COL23A1: variants seen among roughly 807,000 people sequenced by gnomAD.
COL23A1 encodes the protein collagen alpha-1(XXIII) chain.
A neutral mutation model predicts 99.3 loss-of-function variants in COL23A1; 97 were observed. That is an observed-to-expected ratio of 0.98 (90% CI 0.83 to 1.16). The LOEUF is 1.16. COL23A1 is among the 50% of genes most tolerant of loss of function. The pLI is 0.00. For missense variants in COL23A1, 762 were observed against 757.4 expected (o/e 1.01, Z -0.07); for synonymous variants, 320 against 308.2 (o/e 1.04, Z -0.40).
At chr5:178,358,725 ATG>A (rs752563850) in intron 2 of COL23A1, among the ~76,000 whole-genome samples, 18,544 of 139,652 alleles carry the variant, frequency 0.13, 1,227 homozygotes, top group Non-Finnish European at 0.14. Context: ...GTGTATGTGT[ATG>A]TGTGTATGTG....
rs1277365454 is a variant in COL23A1, at chr5:178,281,476, C to G, written c.441+6848G>C. ...GCTGTCGCTGCTCCCAGGACTGAGG[C>G]CGGAGATGAAGTGCAGTCACCGCTC... On this transcript the variant is annotated intron_variant, in intron 5 of 28. Transcript: ENST00000390654. This position sits in a 1 kb window ranked among gnomAD's most constrained non-coding sequence, Gnocchi z 4.0. Among the ~76,000 whole-genome samples the G allele has an allele frequency of 1.3e-5, 2 of 152,128 alleles. No individual in the cohort carries two copies. Among genetic ancestry groups the G allele is most frequent in the African/African-American group, 4.8e-5 (2 of 41,436 alleles).
chr5:178,451,957 TTAATA>T (rs1488987418), intron 2 of COL23A1, among the ~76,000 whole-genome samples: 3 of 152,020 alleles, frequency 2.0e-5, no homozygotes, highest in Non-Finnish European at 4.4e-5. Context: ...ATCTATAAAT[TTAATA>T]TAATTCACAC....
intron 2 of COL23A1, among the ~76,000 whole-genome samples, chr5:178,477,821 G>A (rs1187196756): frequency 6.6e-6 from 1 of 152,190 alleles, no homozygotes; most frequent in Non-Finnish European, 1.5e-5. Context: ...GGATTCTTTC[G>A]GATGCTGGTG....
chr5:178,239,357 G>A (rs1561777261), intron 27 of COL23A1, among the ~76,000 whole-genome samples, 178 bp from the exon 28 acceptor site: 2 of 152,202 alleles, frequency 1.3e-5, no homozygotes, highest in Admixed American at 1.3e-4. Flanking sequence ...GTGGGGTCAT[G>A]GGGTCATGGG....
chr5:178,390,059 T>A (rs184394920), intron 2 of COL23A1, among the ~76,000 whole-genome samples: 3 of 152,166 alleles, frequency 2.0e-5, no homozygotes, highest in African/African-American at 7.2e-5. Flanking sequence ...CCAAGCCACA[T>A]CTGCTGAGGC....
intron 3 of COL23A1, among the ~76,000 whole-genome samples, chr5:178,297,801 A>T (rs1334264144): frequency 1.3e-5 from 2 of 152,130 alleles, no homozygotes; most frequent in Non-Finnish European, 2.9e-5. Context: ...TGCTGAATGG[A>T]TGAGGGCTGA....
intron 2 of COL23A1, among the ~76,000 whole-genome samples, chr5:178,484,639 C>T (rs550533881): frequency 1.6e-4 from 24 of 151,960 alleles, no homozygotes; most frequent in Middle Eastern, 3.4e-3. Context: ...CTGGCTAACA[C>T]GGTGAAACCC....
chr5:178,345,869 T>C (rs1325067306), intron 2 of COL23A1, among the ~76,000 whole-genome samples: 4 of 152,136 alleles, frequency 2.6e-5, no homozygotes, highest in African/African-American at 9.7e-5. Flanking sequence ...TAATAATTTA[T>C]GAAAAATTTT....
At chr5:178,345,002 C>T in intron 2 of COL23A1, 2 of 577,174 alleles carry the variant, frequency 3.5e-6, no homozygotes, top group South Asian at 3.0e-5. Context: ...AGTGTGTCCA[C>T]CCTCATGAAG....
chr5:178,378,684 GC>G, intron 2 of COL23A1, among the ~76,000 whole-genome samples: 1 of 152,212 alleles, frequency 6.6e-6, no homozygotes, highest in East Asian at 1.9e-4. Flanking sequence ...CAGGGATGGA[GC>G]AGCGCTGAGT....
chr5:178,386,586 G>C (rs981126166), intron 2 of COL23A1, among the ~76,000 whole-genome samples: 1 of 151,242 alleles, frequency 6.6e-6, no homozygotes, highest in African/African-American at 2.4e-5. Context: ...GTCACCAGAG[G>C]GGGGTCGGGG....
rs999578885 is a variant in COL23A1 at position 178,415,120 on chromosome 5, C to G, written c.362-108201G>C. 7.1e-6 allele frequency among the ~76,000 whole-genome samples: 1 copy of G among 140,908 alleles called. No individual in the cohort carries two copies. Among genetic ancestry groups the G allele is most frequent in the Non-Finnish European group, 1.5e-5 (1 of 64,660 alleles). The allele number at this position is 140,908 out of a possible 152,430, so 92.4% of individuals were successfully genotyped here. On this transcript the variant is annotated intron_variant, in intron 2 of 28. Coordinates refer to ENST00000390654, the MANE Select transcript of COL23A1 (RefSeq NM_173465.4). The surrounding 1 kb of genome is among the most constrained non-coding windows in gnomAD (Gnocchi z 4.6). ...CCCGGAATATGTGAGTGCTGGTTCT[C>G]TCTGCCCCAGTGAGCTGGGCTGCTT...
rs1758827997 is a variant in COL23A1 at position 178,313,705 on chromosome 5, C to G, written c.362-6786G>C. On this transcript the variant is annotated intron_variant, in intron 2 of 28. Transcript: ENST00000390654. The surrounding 1 kb of genome is among the most constrained non-coding windows in gnomAD (Gnocchi z 4.2). Reference sequence around the variant, plus strand: ...TCAGACCTGGTCCTTCTCAACACCACTGGAAGCCCCTTTATATGACCCTCT... The same window carrying G: ...TCAGACCTGGTCCTTCTCAACACCAGTGGAAGCCCCTTTATATGACCCTCT... Among the ~76,000 whole-genome samples the G allele has an allele frequency of 6.6e-6, 1 of 152,182 alleles. No homozygotes were observed. Among genetic ancestry groups the G allele is most frequent in the South Asian group, 2.1e-4 (1 of 4,826 alleles).
At chr5:178,264,277 G>T (rs1211684854) in intron 8 of COL23A1, among the ~76,000 whole-genome samples, 5 of 151,760 alleles carry the variant, frequency 3.3e-5, no homozygotes, top group Admixed American at 2.6e-4. Flanking sequence ...CTGGATGAAG[G>T]GTACACAGGT....
At chr5:178,523,265 G>C (rs1434135313) in intron 2 of COL23A1, among the ~76,000 whole-genome samples, 11 of 145,024 alleles carry the variant, frequency 7.6e-5, no homozygotes, top group Admixed American at 4.2e-4. Flanking sequence ...GACAGAGAGA[G>C]AGAGAGAGAG....
intron 2 of COL23A1, among the ~76,000 whole-genome samples, chr5:178,373,249 G>C (rs1762896372): frequency 6.6e-6 from 1 of 152,140 alleles, no homozygotes; most frequent in South Asian, 2.1e-4. Context: ...GGTTTTCTCA[G>C]CTATAAAATG....
chr5:178,294,934 G>C (rs867020849), intron 3 of COL23A1, among the ~76,000 whole-genome samples: 1 of 152,220 alleles, frequency 6.6e-6, no homozygotes, highest in Admixed American at 6.5e-5. Context: ...TTGAGGTCAG[G>C]AGTTTGAGAT....
At chr5:178,254,870 G>A (rs1561793897) in intron 16 of COL23A1, 79 bp downstream of exon 16, 11 of 1,279,028 alleles carry the variant, frequency 8.6e-6, no homozygotes, top group Non-Finnish European at 1.1e-5. Flanking sequence ...AAAAGTGCAG[G>A]ATTAATCACA....
At chr5:178,500,838 G>GA (rs1309392266) in intron 2 of COL23A1, among the ~76,000 whole-genome samples, 2 of 151,782 alleles carry the variant, frequency 1.3e-5, no homozygotes, top group East Asian at 3.9e-4. Flanking sequence ...ACCCTAAAAT[G>GA]AAAAAACAAA....
Sources: gnomAD v4.1 joint callset for allele counts (sites outside exome capture counted in the v4.1 genomes callset) on GRCh38, gnomAD v4.1.1 for gene constraint, Gnocchi (gnomAD v3.1) non-coding constraint, MANE v1.5 for transcripts, NCBI Gene and HGNC (gene_info 2026-07-23, HGNC 2026-07-21) for gene names.